MYEF2: variants seen among roughly 807,000 people sequenced by gnomAD.
MYEF2 encodes the protein myelin gene expression factor 2.
A neutral mutation model predicts 75.2 loss-of-function variants in MYEF2; 37 were observed. The ratio of observed to expected loss-of-function variants is 0.49; its 90% confidence interval spans 0.38 to 0.65. The LOEUF is 0.65. Among genes scored for constraint, MYEF2 ranks in the 30% least tolerant of loss-of-function variants. MYEF2 has a pLI of 0.00. For missense variants in MYEF2, 634 were observed against 771.4 expected, an observed-to-expected ratio of 0.82 and a Z score of 2.11; for synonymous variants, 195 against 241.6, an observed-to-expected ratio of 0.81 and a Z score of 1.79.
chr15:48,138,683 T>C lies in MYEF2; in HGVS notation c.*4225A>G. 1 of 292,098 alleles carries C rather than the reference T, an allele frequency of 3.4e-6. No homozygotes were observed. Among genetic ancestry groups the C allele is most frequent in the Admixed American group, 4.6e-5 (1 of 21,616 alleles). 18.1% of individuals were successfully genotyped at this position (292,098 alleles called of 1,614,324 possible). ...TCCACAGGAGATGTCCAATTGACACTTCATAAACACTATCTACAATATATT... is the reference window on the plus strand; with the variant it reads ...TCCACAGGAGATGTCCAATTGACACCTCATAAACACTATCTACAATATATT... On this transcript the variant is annotated 3_prime_UTR_variant, in exon 17 of 17. Transcript: ENST00000324324.
Position 48,158,868 on chromosome 15 carries a change from T to A in MYEF2, c.772A>T (p.Thr258Ser). The A allele has an allele frequency of 6.2e-7, 1 of 1,613,794 alleles. No individual in the cohort carries two copies. Among genetic ancestry groups the A allele is most frequent in the African/African-American group, 1.3e-5 (1 of 75,020 alleles). Residue 258 changes from threonine (T) to serine (S), a missense_variant, in exon 7 of 17, where the codon ACT becomes TCT. Transcript: ENST00000324324. The stretch of plus-strand genomic sequence containing the variant: ...TCTTTAATATCTGCCCGCTTCACAG[T>A]TCCAGCTATGCTGAACACTTCCTTT... ...KLKEVFSIAG[T>S]VKRADIKEDK...
At chr15:48,166,053 A>G in intron 4 of MYEF2, 27 bp from the exon 5 acceptor site, 3 of 1,570,748 alleles carry the variant, frequency 1.9e-6, no homozygotes, top group Non-Finnish European at 2.6e-6. Context: ...TTTATAGGAA[A>G]TGTTTATGTG....
In MYEF2 at chr15:48,141,156, A is replaced by G. The variant is rs776435641; in HGVS notation, c.*1752T>C. Reference sequence around the variant, plus strand: ...CCGATACAGTAATGGGCCTTACTTTATTAGCAGCAGGAACAAGCATACCAG... The same window carrying G: ...CCGATACAGTAATGGGCCTTACTTTGTTAGCAGCAGGAACAAGCATACCAG... On this transcript the variant is annotated 3_prime_UTR_variant, in exon 17 of 17. Transcript: ENST00000324324. The G allele has an allele frequency of 1.2e-6, 2 of 1,613,984 alleles. No individual in the cohort carries two copies. Among genetic ancestry groups the G allele is most frequent in the East Asian group, 4.5e-5 (2 of 44,882 alleles).
In MYEF2 at chr15:48,159,673, AG is replaced by A; in HGVS notation, c.656del (p.Pro219LeufsTer31). ...CCTGCAAATTACTGATGACTTCAGG[AG>A]GAATGTTTGGATTATTGAGTATGGA... ...PPSILNNPNI[P>X]PEVISNLQAG... is the part of the protein sequence containing the mutation. On this transcript the variant is annotated frameshift_variant, in exon 6 of 17. Transcript: ENST00000324324. LOFTEE classifies it high-confidence loss of function. 2.5e-6 allele frequency: 4 copies of A among 1,613,756 alleles called. No individual in the cohort carries two copies. The highest frequency in any genetic ancestry group is 3.4e-6 in the Non-Finnish European group (4 of 1,179,762).
At position 48,142,114 on chromosome 15, in the gene MYEF2, T is replaced by G; in HGVS notation, c.*794A>C. 1 of 1,613,894 alleles carries G rather than the reference T, an allele frequency of 6.2e-7. No individual in the cohort carries two copies. Among genetic ancestry groups the G allele is most frequent in the Non-Finnish European group, 8.5e-7 (1 of 1,179,882 alleles). Reference sequence around the variant, plus strand: ...TTGGTATTCCATGGTTTATTAAAACTGCATTTATAAATGGATCAGCTCCTG... The same window carrying G: ...TTGGTATTCCATGGTTTATTAAAACGGCATTTATAAATGGATCAGCTCCTG... On this transcript the variant is annotated 3_prime_UTR_variant, in exon 17 of 17. Transcript: ENST00000324324.
rs1157735208 is a variant in MYEF2, at chr15:48,141,665, A to C, written c.*1243T>G. 1.2e-5 allele frequency: 2 copies of C among 169,840 alleles called. No homozygotes were observed. Among genetic ancestry groups the C allele is most frequent in the African/African-American group, 4.8e-5 (2 of 41,952 alleles). 10.5% of individuals were successfully genotyped at this position (169,840 alleles called of 1,614,324 possible). A position where few individuals can be genotyped will look rare whatever the true frequency, so the allele number is the denominator to read the frequency against. ...GGGAAAAAAGTGACTCCAGAGGAAA[A>C]GTTTACTATTTAATAGCAGGTTAAT... is the stretch of plus-strand genomic sequence containing the variant. On this transcript the variant is annotated 3_prime_UTR_variant, in exon 17 of 17. Coordinates refer to ENST00000324324, the MANE Select transcript of MYEF2 (RefSeq NM_016132.5).
Position 48,136,702 on chromosome 15 carries a change from C to T in MYEF2, c.*6206G>A. The T allele has an allele frequency of 6.2e-7, 1 of 1,609,574 alleles. No individual in the cohort carries two copies. The highest frequency in any genetic ancestry group is 8.5e-7 in the Non-Finnish European group (1 of 1,177,560). ...TTGTAGGTATGAAGGGGCTTTACTG[C>T]TTTTGATATATGGATTGTATGTTTT... On this transcript the variant is annotated 3_prime_UTR_variant, in exon 17 of 17. Coordinates refer to ENST00000324324, the MANE Select transcript of MYEF2 (RefSeq NM_016132.5).
In MYEF2 at chr15:48,158,937, G is replaced by T; in HGVS notation, c.718-15C>A. 1 of 1,610,056 alleles carries T rather than the reference G, an allele frequency of 6.2e-7. No homozygotes were observed. The highest frequency in any genetic ancestry group is 8.5e-7 in the Non-Finnish European group (1 of 1,177,560). ...TTGAAGTCAAGCTTAATATAAAATT[G>T]TATAAAGTTACATACCTAATAAATC... On this transcript the variant is annotated splice_polypyrimidine_tract_variant and intron_variant, in intron 6 of 16. Coordinates refer to ENST00000324324, the MANE Select transcript of MYEF2 (RefSeq NM_016132.5).
intron 9 of MYEF2, among the ~76,000 whole-genome samples, chr15:48,155,036 G>A (rs982866677): frequency 6.6e-6 from 1 of 151,696 alleles, no homozygotes; most frequent in Non-Finnish European, 1.5e-5. Flanking sequence ...GTATTTGTAA[G>A]ACAAAAAAAT....
At chr15:48,170,949 C>T (rs2040314428) in intron 1 of MYEF2, among the ~76,000 whole-genome samples, 1 of 152,162 alleles carries the variant, frequency 6.6e-6, no homozygotes, top group South Asian at 2.1e-4. Flanking sequence ...ACCAAACTTG[C>T]TTTGCCATTT....
At chr15:48,162,836 G>A (rs1769163089) in intron 5 of MYEF2, 1 of 152,102 alleles carries the variant, frequency 6.6e-6, no homozygotes, top group African/African-American at 2.4e-5. Flanking sequence ...ATCAATAAAT[G>A]TTCTGACTGC....
At chr15:48,155,966 C>T (rs1315641854) in intron 9 of MYEF2, among the ~76,000 whole-genome samples, 1 of 151,698 alleles carries the variant, frequency 6.6e-6, no homozygotes, top group East Asian at 1.9e-4. Flanking sequence ...TTAGTAGAGA[C>T]GGGGTTTCAC....
chr15:48,170,228 G>T (rs904925848), intron 1 of MYEF2, among the ~76,000 whole-genome samples: 1 of 151,788 alleles, frequency 6.6e-6, no homozygotes, highest in Non-Finnish European at 1.5e-5. Context: ...TGGGTTCAAG[G>T]AATTCTCCTT....
chr15:48,153,551 C>T (rs1213518822), intron 10 of MYEF2: 3 of 393,206 alleles, frequency 7.6e-6, no homozygotes, highest in African/African-American at 6.1e-5. Flanking sequence ...ATTTCAAAAT[C>T]CAAAATGCTA....
rs75407202 is a variant in MYEF2 at position 48,148,702 on chromosome 15, A to G, written c.1639+330T>C. Among the ~76,000 whole-genome samples the G allele has an allele frequency of 9.0e-3, 1,367 of 152,152 alleles. 20 individuals carry two copies. The highest frequency in any genetic ancestry group is 0.032 in the African/African-American group (1,335 of 41,544). On this transcript the variant is annotated intron_variant, in intron 16 of 16. Coordinates refer to ENST00000324324, the MANE Select transcript of MYEF2 (RefSeq NM_016132.5). Reference sequence around the variant, plus strand: ...TATTAATATTTCTCATGAGAAAAAAAGTTTAATGCAAAGAATGATAATATA... The same window carrying G: ...TATTAATATTTCTCATGAGAAAAAAGGTTTAATGCAAAGAATGATAATATA...
intron 6 of MYEF2, among the ~76,000 whole-genome samples, chr15:48,159,179 A>C (rs2039835028): frequency 6.6e-6 from 1 of 152,122 alleles, no homozygotes; most frequent in Non-Finnish European, 1.5e-5. Flanking sequence ...GTACATTTGA[A>C]ACTTGCATAT....
chr15:48,136,578 A>G lies in MYEF2; in HGVS notation c.*6330T>C, dbSNP rs2038905351. ...ATATCTAGAAATGTTTGATTGTTCTATGGCTACTTTTGTTAGAAAATCATT... is the reference window on the plus strand; with the variant it reads ...ATATCTAGAAATGTTTGATTGTTCTGTGGCTACTTTTGTTAGAAAATCATT... On this transcript the variant is annotated 3_prime_UTR_variant, in exon 17 of 17. Transcript: ENST00000324324. 8.6e-6 allele frequency: 9 copies of G among 1,046,190 alleles called. No homozygotes were observed. In the South Asian group the frequency reaches 1.6e-4, roughly 18 times the overall value. The allele number at this position is 1,046,190 out of a possible 1,614,324, so 64.8% of individuals were successfully genotyped here.
At chr15:48,170,696 C>T (rs1488492333) in intron 1 of MYEF2, among the ~76,000 whole-genome samples, 1 of 152,138 alleles carries the variant, frequency 6.6e-6, no homozygotes, top group Non-Finnish European at 1.5e-5. Flanking sequence ...TCATTTGTTA[C>T]ATAATATATA....
intron 14 of MYEF2, among the ~76,000 whole-genome samples, chr15:48,150,466 T>C (rs2039449589): frequency 6.6e-6 from 1 of 151,970 alleles, no homozygotes; most frequent in African/African-American, 2.4e-5. Context: ...CTCAGAGACA[T>C]GTCCCAGTAA....
Sources: allele counts gnomAD v4.1 joint callset (sites outside exome capture counted in the v4.1 genomes callset), GRCh38; gene constraint gnomAD v4.1.1; transcripts MANE v1.5; gene names NCBI Gene and HGNC (gene_info 2026-07-23, HGNC 2026-07-21).